The following RBFOX3 variants were observed in gnomAD, a reference collection of about 807,000 sequenced individuals.
The protein encoded by RBFOX3 is RNA binding fox-1 homolog 3, also known as RNA binding protein fox-1 homolog 3.
In RBFOX3, 17 loss-of-function variants were observed where a neutral mutation model predicts 48.7. That is an observed-to-expected ratio of 0.35 (90% confidence interval 0.24 to 0.52). RBFOX3 has a LOEUF of 0.52. RBFOX3 is among the 20% of genes least tolerant of loss of function. The pLI, the probability that RBFOX3 is intolerant of heterozygous loss-of-function variation, is 0.94. For synonymous variants in RBFOX3, 212 were observed against 209.5 expected (o/e 1.01, Z -0.10); for missense variants, 382 against 497.5 (o/e 0.77, Z 2.21).
Position 79,204,307 on chromosome 17 carries a change from G to A in RBFOX3, c.-34+31459C>T, listed in dbSNP as rs578035145. Among the ~76,000 whole-genome samples, 18 of 152,230 alleles carry A rather than the reference G, an allele frequency of 1.2e-4. No individual in the cohort carries two copies. Among genetic ancestry groups the A allele is most frequent in the Non-Finnish European group, 2.2e-4 (15 of 68,014 alleles). ...AGCGGACACACACCAGCGGGCGCCG[G>A]GGAGCGGGTACACACCAGCGGGTGC... On this transcript the variant is annotated intron_variant, in intron 4 of 14. Coordinates refer to ENST00000693108, the MANE Select transcript of RBFOX3 (RefSeq NM_001350451.2). This position sits in a 1 kb window ranked among gnomAD's most constrained non-coding sequence, Gnocchi z 4.5.
intron 2 of RBFOX3, among the ~76,000 whole-genome samples, chr17:79,370,972 G>C (rs1363633472): frequency 6.7e-6 from 1 of 149,434 alleles, no homozygotes; most frequent in African/African-American, 2.5e-5. Flanking sequence ...CTTGTGACTG[G>C]GAAGGCACCT....
chr17:79,195,253 C>T lies in RBFOX3; in HGVS notation c.-34+40513G>A, dbSNP rs187292833. ...TCTACTAAAAATACAAAAAATAAGC[C>T]GGACATGGTGGTGGCTCTCGTGCGT... On this transcript the variant is annotated intron_variant, in intron 4 of 14. Coordinates refer to ENST00000693108, the MANE Select transcript of RBFOX3 (RefSeq NM_001350451.2). This position sits in a 1 kb window ranked among gnomAD's most constrained non-coding sequence, Gnocchi z 5.3. 1.7e-3 allele frequency among the ~76,000 whole-genome samples: 261 copies of T among 152,046 alleles called. No individual in the cohort carries two copies. Among genetic ancestry groups the T allele is most frequent in the Non-Finnish European group, 2.1e-3 (142 of 67,962 alleles).
chr17:79,382,331 C>T (rs1291536820), intron 2 of RBFOX3, among the ~76,000 whole-genome samples: 1 of 152,230 alleles, frequency 6.6e-6, no homozygotes, highest in Non-Finnish European at 1.5e-5. Flanking sequence ...ATGGGGGGCT[C>T]TAGACCACTC....
intron 1 of RBFOX3, among the ~76,000 whole-genome samples, chr17:79,605,721 A>G (rs2093813934): frequency 6.6e-6 from 1 of 152,332 alleles, no homozygotes; most frequent in South Asian, 2.1e-4. Flanking sequence ...TTCTGAGCAC[A>G]AATAATTAAA....
At chr17:79,572,724 G>GCGTGTTTC (rs1277358628) in intron 1 of RBFOX3, among the ~76,000 whole-genome samples, 6 of 152,224 alleles carry the variant, frequency 3.9e-5, no homozygotes, top group Admixed American at 1.3e-4. Flanking sequence ...TTGCAAACGT[G>GCGTGTTTC]CGTGTTTCCC....
chr17:79,129,810 C>G (rs2038339474), intron 4 of RBFOX3, among the ~76,000 whole-genome samples: 1 of 152,242 alleles, frequency 6.6e-6, no homozygotes, highest in Non-Finnish European at 1.5e-5. Context: ...GAAGGTGCAG[C>G]TGGGAAGAGA....
rs754690965 is a variant in RBFOX3, at chr17:79,094,502, G to A, written c.1026C>T (p.Asp342=). ...CGGGCCCGATGGTGTGATGGTACGGGTCGGCAGCTGCGTAGACTCTGCCGT... is the reference window on the plus strand; with the variant it reads ...CGGGCCCGATGGTGTGATGGTACGGATCGGCAGCTGCGTAGACTCTGCCGT... ...DSYGRVYAAA[D]PYHHTIGPAA... Residue 342 remains aspartate, a synonymous_variant, in exon 14 of 15, where the codon GAC becomes GAT. Transcript: ENST00000693108. The A allele has an allele frequency of 3.4e-6, 5 of 1,459,710 alleles. No homozygotes were observed. In the South Asian group the frequency reaches 6.8e-5, roughly 20 times the overall value. The allele number at this position is 1,459,710 out of a possible 1,614,324, so 90.4% of individuals were successfully genotyped here.
chr17:79,487,996 G>A lies in RBFOX3; in HGVS notation c.-319-5398C>T, dbSNP rs545525959. ...TTGTCACTGATTTGCATCTGACGACGGGATGGTCTTCAGGCTCCTAGAGGT... is the reference window on the plus strand; with the variant it reads ...TTGTCACTGATTTGCATCTGACGACAGGATGGTCTTCAGGCTCCTAGAGGT... On this transcript the variant is annotated intron_variant, in intron 1 of 14. Transcript: ENST00000693108. Among the ~76,000 whole-genome samples, 41 of 151,276 alleles carry A rather than the reference G, an allele frequency of 2.7e-4. 1 individual carries two copies. The highest frequency in any genetic ancestry group is 8.2e-4 in the African/African-American group (34 of 41,230).
At chr17:79,538,128 G>A (rs2089140519) in intron 1 of RBFOX3, among the ~76,000 whole-genome samples, 1 of 152,182 alleles carries the variant, frequency 6.6e-6, no homozygotes, top group South Asian at 2.1e-4. Flanking sequence ...CAGCTATTTT[G>A]CAAACACAAA....
intron 4 of RBFOX3, among the ~76,000 whole-genome samples, chr17:79,209,007 G>A (rs1412031375): frequency 6.6e-6 from 1 of 152,006 alleles, no homozygotes; most frequent in Non-Finnish European, 1.5e-5. Flanking sequence ...TTTTAGTAGA[G>A]ACAGGGTTTC....
At chr17:79,209,222 C>A (rs1439546570) in intron 4 of RBFOX3, among the ~76,000 whole-genome samples, 2 of 152,222 alleles carry the variant, frequency 1.3e-5, no homozygotes, top group African/African-American at 2.4e-5. Flanking sequence ...CTGCACAAGG[C>A]CTTCTGTGAT....
the RBFOX3 span, among the ~76,000 whole-genome samples, chr17:79,653,098 G>A: frequency 7.9e-4 from 119 of 150,358 alleles, no homozygotes; most frequent in East Asian, 1.5e-3. Flanking sequence ...AACCAGACTC[G>A]TTAACTGAAC....
rs202049367 is a variant in RBFOX3 at position 79,139,019 on chromosome 17, T to C, written c.-33-23271A>G. Among the ~76,000 whole-genome samples the C allele has an allele frequency of 1.4e-4, 10 of 69,942 alleles. No homozygotes were observed. The East Asian group carries it at 2.3e-3, about 16-fold the overall frequency. 45.9% of individuals were successfully genotyped at this position (69,942 alleles called of 152,430 possible). A position where few individuals can be genotyped will look rare whatever the true frequency, so the allele number is the denominator to read the frequency against. On this transcript the variant is annotated intron_variant, in intron 4 of 14. Transcript: ENST00000693108. ...CACATGCACACAGCACATGCGTTCA[T>C]GCCCTCACCCACACACGCACGCACA... is the stretch of plus-strand genomic sequence containing the variant.
At chr17:79,654,460 G>A in the RBFOX3 span, among the ~76,000 whole-genome samples, 8 of 152,216 alleles carry the variant, frequency 5.3e-5, no homozygotes, top group Non-Finnish European at 1.2e-4. Context: ...GCTGGGGCAT[G>A]TCTAAAAGAC....
intron 8 of RBFOX3, 80 bp from the exon 9 acceptor site, chr17:79,101,724 G>A: frequency 7.8e-7 from 1 of 1,281,966 alleles, no homozygotes; most frequent in Non-Finnish European, 1.1e-6. Context: ...TCCCCGCCCT[G>A]CTCCGTTAGC....
chr17:79,548,807 C>G (rs751989256), intron 1 of RBFOX3, among the ~76,000 whole-genome samples: 1 of 152,100 alleles, frequency 6.6e-6, no homozygotes, highest in Non-Finnish European at 1.5e-5. Flanking sequence ...TACAAGTGCT[C>G]GAAAAATACC....
chr17:79,260,337 G>C (rs1277344197), intron 3 of RBFOX3, among the ~76,000 whole-genome samples: 3 of 152,180 alleles, frequency 2.0e-5, no homozygotes, highest in Non-Finnish European at 4.4e-5. Context: ...TGCCACAGTG[G>C]ATCCAGCACT....
intron 7 of RBFOX3, 32 bp downstream of exon 7, chr17:79,104,041 G>T (rs535053976): frequency 6.5e-7 from 1 of 1,538,468 alleles, no homozygotes; most frequent in Non-Finnish European, 8.8e-7. Context: ...TACAGCCGGC[G>T]CTGTAAGGCG....
intron 1 of RBFOX3, among the ~76,000 whole-genome samples, chr17:79,544,202 T>C (rs529679945): frequency 6.6e-6 from 1 of 152,232 alleles, no homozygotes; most frequent in Admixed American, 6.5e-5. Flanking sequence ...CACTGGCCGG[T>C]CACTGTCTCA....
Sources: allele counts gnomAD v4.1 joint callset (sites outside exome capture counted in the v4.1 genomes callset), GRCh38; gene constraint gnomAD v4.1.1; non-coding constraint Gnocchi (gnomAD v3.1); transcripts MANE v1.5; gene names NCBI Gene and HGNC (gene_info 2026-07-23, HGNC 2026-07-21).